PCDHAC2: variants seen among roughly 807,000 people sequenced by gnomAD.
PCDHAC2 encodes protocadherin alpha subfamily C, 2.
In PCDHAC2, 24 loss-of-function variants were observed where a neutral mutation model predicts 63.3. The observed-to-expected ratio is 0.38, with a 90% CI of 0.27 to 0.53. The LOEUF (loss-of-function observed/expected upper bound fraction) is 0.53. PCDHAC2 is among the 20% of genes least tolerant of loss of function. PCDHAC2 has a pLI of 0.81. For missense variants in PCDHAC2, 1,181 were observed against 1,275.2 expected, an observed-to-expected ratio of 0.93 and a Z score of 1.12; for synonymous variants, 569 against 529.4, an observed-to-expected ratio of 1.07 and a Z score of -1.03.
intron 3 of PCDHAC2, among the ~76,000 whole-genome samples, chr5:140,992,388 G>A (rs2097508351): frequency 6.6e-6 from 1 of 152,120 alleles, no homozygotes; most frequent in Non-Finnish European, 1.5e-5. Context: ...TTGTGTTCTG[G>A]ACTTAGAGAT....
chr5:140,972,660 AT>A (rs11350929), intron 1 of PCDHAC2, among the ~76,000 whole-genome samples: 34,850 of 117,234 alleles, frequency 0.3, 4,025 homozygotes, highest in East Asian at 0.43. Context: ...AAGAAACCAA[AT>A]TTTTTTTTTT....
rs2096830970 is a variant in PCDHAC2, at chr5:140,978,991, A to C, written c.2608A>C (p.Arg870=). Residue 870 remains arginine, a synonymous_variant, in exon 2 of 4, where the codon AGA becomes CGA. Coordinates refer to ENST00000289269, the MANE Select transcript of PCDHAC2 (RefSeq NM_018899.6). ...TGACTGGCGTTACTCTGCCTCCCTG[A>C]GAGCAGGCATGCACAGGTATGTATT... ...NPDWRYSASL[R]AGMHSSVHLE... is the part of the protein sequence containing the mutation. 1.2e-6 allele frequency: 2 copies of C among 1,614,188 alleles called. No individual in the cohort carries two copies. Among genetic ancestry groups the C allele is most frequent in the East Asian group, 2.2e-5 (1 of 44,882 alleles).
Position 140,966,951 on chromosome 5 carries a change from C to T in PCDHAC2, c.185C>T (p.Ala62Val), listed in dbSNP as rs781885198. 1 of 1,603,742 alleles carries T rather than the reference C, an allele frequency of 6.2e-7. No homozygotes were observed. The highest frequency in any genetic ancestry group is 8.5e-7 in the Non-Finnish European group (1 of 1,178,512). Residue 62 changes from alanine to valine, a missense_variant, in exon 1 of 4, where the codon GCT becomes GTT. Ala to Val is a moderately conservative substitution (Grantham distance 64). Coordinates refer to ENST00000289269, the MANE Select transcript of PCDHAC2 (RefSeq NM_018899.6). The stretch of plus-strand genomic sequence containing the variant: ...CCCGGCGCGCTCGTGGGCAACGTGG[C>T]TCGCGCGCTGGGGCTTGAGCTGCGG... ...QAPGALVGNVARALGLELRRL... is the reference protein window; with the variant it reads ...QAPGALVGNVVRALGLELRRL...
At chr5:140,971,372 A>G (rs1554233263) in intron 1 of PCDHAC2, among the ~76,000 whole-genome samples, 1 of 152,214 alleles carries the variant, frequency 6.6e-6, no homozygotes, top group Non-Finnish European at 1.5e-5. Flanking sequence ...AGGAGAGTGC[A>G]TGACTTTAAT....
intron 1 of PCDHAC2, among the ~76,000 whole-genome samples, chr5:140,972,738 A>G (rs918730708): frequency 1.4e-5 from 2 of 142,600 alleles, no homozygotes; most frequent in Non-Finnish European, 3.0e-5. Context: ...ATCCCGGCTC[A>G]CTGCAACCTC....
At chr5:140,988,805 C>T (rs782160959) in intron 3 of PCDHAC2, 8 of 152,232 alleles carry the variant, frequency 5.3e-5, no homozygotes, top group African/African-American at 1.4e-4. Context: ...GAATTTCTTC[C>T]GTAACAGTAG....
chr5:140,980,021 A>C (rs1472439975), intron 2 of PCDHAC2, among the ~76,000 whole-genome samples: 2 of 152,248 alleles, frequency 1.3e-5, no homozygotes. Context: ...AAATGAGCAG[A>C]AATCATTACA....
intron 1 of PCDHAC2, among the ~76,000 whole-genome samples, chr5:140,977,958 C>T (rs1912706): frequency 0.036 from 5,518 of 152,194 alleles, 299 homozygotes; most frequent in African/African-American, 0.12. Context: ...AGGGCCACCT[C>T]AATCTCCGCC....
Position 140,967,272 on chromosome 5 carries a change from T to A in PCDHAC2, c.506T>A (p.Ile169Lys). 2 of 1,613,412 alleles carry A rather than the reference T, an allele frequency of 1.2e-6. No individual in the cohort carries two copies. Among genetic ancestry groups the A allele is most frequent in the Non-Finnish European group, 1.7e-6 (2 of 1,179,788 alleles). The part of the protein sequence containing the change: ...ESVAPGARFH[I>K]ESAQDPDVGA... ...GTGGCGCCTGGAGCGCGCTTTCACA[T>A]AGAGAGTGCGCAGGACCCCGACGTG... Residue 169 changes from isoleucine (I) to lysine (K), a missense_variant, in exon 1 of 4, where the codon ATA becomes AAA. By Grantham distance (102) the Ile-to-Lys change is moderately radical (BLOSUM62 -3). Around this residue, in one of 3 missense-constraint regions of PCDHAC2, gnomAD observed 968 missense variants for 1,073.5 expected, o/e 0.90. Transcript: ENST00000289269.
At chr5:141,002,312 C>T (rs1171531371) in intron 3 of PCDHAC2, among the ~76,000 whole-genome samples, 1 of 152,230 alleles carries the variant, frequency 6.6e-6, no homozygotes, top group East Asian at 1.9e-4. Flanking sequence ...GGGGCCGAAA[C>T]CTGGAGGCCG....
chr5:140,997,133 C>G (rs1554255761), intron 3 of PCDHAC2, among the ~76,000 whole-genome samples: 1 of 152,092 alleles, frequency 6.6e-6, no homozygotes, highest in Non-Finnish European at 1.5e-5. Flanking sequence ...ACAATGCCCC[C>G]ACACCCCCGC....
chr5:141,007,366 CATG>C (rs1319534619), intron 3 of PCDHAC2, among the ~76,000 whole-genome samples: 13 of 118,904 alleles, frequency 1.1e-4, no homozygotes, highest in Admixed American at 7.7e-4. Flanking sequence ...GCCTGGGCAA[CATG>C]ATGGAACACC....
intron 3 of PCDHAC2, among the ~76,000 whole-genome samples, chr5:140,986,734 C>T (rs2153854061): frequency 6.6e-6 from 1 of 152,260 alleles, no homozygotes; most frequent in Non-Finnish European, 1.5e-5. Context: ...TCTCAAGACC[C>T]CAGGGGATCT....
chr5:141,001,867 A>C (rs2153971805), intron 3 of PCDHAC2, among the ~76,000 whole-genome samples: 1 of 152,348 alleles, frequency 6.6e-6, no homozygotes, highest in Admixed American at 6.5e-5. Context: ...ATTGATGCCC[A>C]AAACCAAGAA....
rs1554229569 is a variant in PCDHAC2, at chr5:140,967,454, G to A, written c.688G>A (p.Val230Met). ...AALHHLVLTA[V>M]DGGIPARSGT... is the part of the protein sequence containing the mutation. ...CTTGCACCACCTGGTTCTCACAGCCGTGGATGGGGGCATCCCAGCCCGCTC... is the reference window on the plus strand; with the variant it reads ...CTTGCACCACCTGGTTCTCACAGCCATGGATGGGGGCATCCCAGCCCGCTC... The change falls in exon 1 of 4, where the codon GTG (valine) becomes ATG (methionine). Residue 230 changes from valine (V) to methionine (M), a missense_variant. Around this residue, in one of 3 missense-constraint regions of PCDHAC2, gnomAD observed 968 missense variants for 1,073.5 expected, o/e 0.90. Transcript: ENST00000289269. 6.2e-7 allele frequency: 1 copy of A among 1,613,614 alleles called. No individual in the cohort carries two copies. Among genetic ancestry groups the A allele is most frequent in the Admixed American group, 1.7e-5 (1 of 60,010 alleles).
intron 2 of PCDHAC2, among the ~76,000 whole-genome samples, chr5:140,979,752 G>A (rs1048851264): frequency 4.6e-5 from 7 of 152,138 alleles, no homozygotes; most frequent in South Asian, 2.1e-4. Context: ...CATTATTTGC[G>A]AATGTCTTTG....
chr5:140,973,850 T>G (rs767532771), intron 1 of PCDHAC2, among the ~76,000 whole-genome samples: 25 of 152,176 alleles, frequency 1.6e-4, no homozygotes, highest in Admixed American at 5.2e-4. Flanking sequence ...TGCCTACCAA[T>G]TTTTGCTCTC....
intron 3 of PCDHAC2, among the ~76,000 whole-genome samples, chr5:140,990,426 G>A (rs3756324): frequency 0.3 from 46,292 of 152,022 alleles, 7,253 homozygotes; most frequent in East Asian, 0.43. Flanking sequence ...AACCAGCATT[G>A]ACCCAATCTT....
chr5:140,983,483 C>T (rs2097053951), intron 3 of PCDHAC2, among the ~76,000 whole-genome samples: 1 of 152,220 alleles, frequency 6.6e-6, no homozygotes, highest in African/African-American at 2.4e-5. Flanking sequence ...ATAGTAGTTA[C>T]TAATTATTAA....
Sources: gnomAD v4.1 joint callset for allele counts (sites outside exome capture counted in the v4.1 genomes callset) on GRCh38, gnomAD v4.1.1 for gene constraint, gnomAD v4.1.1 regional missense constraint, MANE v1.5 for transcripts, NCBI Gene and HGNC (gene_info 2026-07-23, HGNC 2026-07-21) for gene names.